The following THBS3 variants were observed in gnomAD, a reference collection of about 807,000 sequenced individuals.
THBS3 encodes the protein thrombospondin-3.
A neutral mutation model predicts 118.3 loss-of-function variants in THBS3; 78 were observed. That is an observed-to-expected ratio of 0.66 (90% CI 0.55 to 0.80). The LOEUF is 0.80. Among genes scored for constraint, THBS3 ranks in the 30% least tolerant of loss-of-function variants. The pLI is 0.00. For missense variants in THBS3, 1,057 were observed against 1,247.4 expected (o/e 0.85, Z 2.30); for synonymous variants, 427 against 475.3 (o/e 0.90, Z 1.32).
upstream of THBS3, chr1:155,207,972 T>C (rs1361181001): frequency 1.8e-5 from 11 of 605,178 alleles, no homozygotes; most frequent in Non-Finnish European, 2.6e-5. Flanking sequence ...AGGGACAGAA[T>C]TGGAGGGGGG....
At chr1:155,200,384 G>C in intron 14 of THBS3, 67 bp downstream of exon 14, 1 of 1,568,754 alleles carries the variant, frequency 6.4e-7, no homozygotes, top group South Asian at 1.2e-5. Context: ...TAGCTTCCCT[G>C]CTTCATCCCC....
At chr1:155,205,720 G>A (rs776946018) in intron 2 of THBS3, among the ~76,000 whole-genome samples, 8 of 152,328 alleles carry the variant, frequency 5.3e-5, no homozygotes, top group Non-Finnish European at 1.2e-4. Context: ...AGAGGTTGCA[G>A]TGAGCTGAGA....
In THBS3 at chr1:155,201,534, G is replaced by C. The variant is rs1669728152; in HGVS notation, c.1212C>G (p.Phe404Leu). The C allele has an allele frequency of 6.2e-7, 1 of 1,614,014 alleles. No homozygotes were observed. The highest frequency in any genetic ancestry group is 8.5e-7 in the Non-Finnish European group (1 of 1,180,026). The stretch of plus-strand genomic sequence containing the variant: ...GGCAGCCCTGGCTCTGGTTGCCCAG[G>C]AAACCCAGGCGGCAGGGACCACACT... ...SFKCGPCRLG[F>L]LGNQSQGCLP... Residue 404 changes from phenylalanine (F) to leucine (L), a missense_variant, in exon 11 of 23, where the codon TTC becomes TTG. Around this residue, in one of 3 missense-constraint regions of THBS3, gnomAD observed 544 missense variants for 715.6 expected, o/e 0.76. Coordinates refer to ENST00000368378, the MANE Select transcript of THBS3 (RefSeq NM_007112.5).
At chr1:155,203,435 G>A (rs1184145731) in intron 5 of THBS3, 78 bp downstream of exon 5, 1 of 1,597,776 alleles carries the variant, frequency 6.3e-7, no homozygotes, top group Middle Eastern at 1.9e-4. Flanking sequence ...TGACTGAAGA[G>A]GACTTAGTTT....
rs1359499567 is a variant in THBS3, at chr1:155,197,232, G to C, written c.2500-19C>G. On this transcript the variant is annotated intron_variant, in intron 20 of 22. Coordinates refer to ENST00000368378, the MANE Select transcript of THBS3 (RefSeq NM_007112.5). This position sits in a 1 kb window ranked among gnomAD's most constrained non-coding sequence, Gnocchi z 5.0. ...TCACTGCCTAGGAGACATTGGCAAA[G>C]ACAGTGGGTCAACTGCAGAACTGGA... 1 of 1,608,706 alleles carries C rather than the reference G, an allele frequency of 6.2e-7. No individual in the cohort carries two copies. Among genetic ancestry groups the C allele is most frequent in the South Asian group, 1.1e-5 (1 of 90,994 alleles).
At position 155,202,019 on chromosome 1, in the gene THBS3, C is replaced by T. The variant is rs143046611; in HGVS notation, c.1114G>A (p.Asp372Asn). The change falls in exon 10 of 23, where the codon GAT becomes AAT. Residue 372 changes from aspartate to asparagine, a missense_variant. This residue lies in a region of THBS3 where 544 missense variants were observed against 715.6 expected (regional missense o/e 0.76). Transcript: ENST00000368378. The surrounding 1 kb of genome is among the most constrained non-coding windows in gnomAD (Gnocchi z 5.5). ...RASKQVCNDI[D>N]ECNDGNNGGC... The stretch of plus-strand genomic sequence containing the variant: ...CCATTGTTGCCATCGTTGCATTCAT[C>T]GATGTCATTGCAGACCTGAAGGGGC... The T allele has an allele frequency of 1.0e-4, 163 of 1,614,148 alleles. No homozygotes were observed. The highest frequency in any genetic ancestry group is 8.5e-4 in the Admixed American group (51 of 60,028).
chr1:155,207,706 C>T, intron 1 of THBS3, 92 bp downstream of exon 1: 1 of 1,359,614 alleles, frequency 7.4e-7, no homozygotes, highest in Non-Finnish European at 1.0e-6. Flanking sequence ...GACTCTTCCC[C>T]TCTCCCCTTG....
chr1:155,197,417 G>A lies in THBS3; in HGVS notation c.2499+46C>T, dbSNP rs1378338613. ...GGAGGCCCTGGGGCTGCAGAGGAGA[G>A]CTTTGGGAAAGGGCCCTGGGTTGCG... On this transcript the variant is annotated intron_variant, in intron 20 of 22. Coordinates refer to ENST00000368378, the MANE Select transcript of THBS3 (RefSeq NM_007112.5). The surrounding 1 kb of genome is among the most constrained non-coding windows in gnomAD (Gnocchi z 5.0). 2 of 1,595,990 alleles carry A rather than the reference G, an allele frequency of 1.3e-6. No homozygotes were observed. Among genetic ancestry groups the A allele is most frequent in the Admixed American group, 1.7e-5 (1 of 59,724 alleles).
chr1:155,198,016 C>T (rs1668981594), intron 18 of THBS3, 26 bp downstream of exon 18: 5 of 1,614,044 alleles, frequency 3.1e-6, no homozygotes, highest in Non-Finnish European at 4.2e-6. Flanking sequence ...CTGATAGCAC[C>T]TGCCCAGCCC....
chr1:155,208,701 G>T (rs1670888670), upstream of THBS3: 15 of 888,528 alleles, frequency 1.7e-5, no homozygotes, highest in Non-Finnish European at 2.2e-5. Flanking sequence ...CCCCACCCAA[G>T]CCCCAGCCCG....
At chr1:155,201,301 T>A (rs1669678747) in intron 11 of THBS3, 97 bp from the exon 12 acceptor site, 2 of 1,583,472 alleles carry the variant, frequency 1.3e-6, no homozygotes, top group African/African-American at 2.7e-5. Context: ...CACCAAACAG[T>A]TCCTGGGCCC....
chr1:155,207,723 T>C (rs1421661024), intron 1 of THBS3, 75 bp downstream of exon 1: 16 of 1,486,888 alleles, frequency 1.1e-5, no homozygotes, highest in South Asian at 2.3e-5. Context: ...CTTGCCCACA[T>C]GTTCTCTGCT....
rs1472592833 is a variant in THBS3, at chr1:155,197,155, C to T, written c.2558G>A (p.Gly853Asp). Residue 853 changes from glycine to aspartate, a missense_variant, in exon 21 of 23, where the codon GGC (glycine) becomes GAC (aspartate). Gly to Asp is a moderately conservative substitution (Grantham distance 94). Transcript: ENST00000368378. This position sits in a 1 kb window ranked among gnomAD's most constrained non-coding sequence, Gnocchi z 5.0. Reference sequence around the variant, plus strand: ...CAGTCGTACCTGATCAGGGGTGTGGCCAGTATGCCACAGGGCATTTCGGAG... The same window carrying T: ...CAGTCGTACCTGATCAGGGGTGTGGTCAGTATGCCACAGGGCATTTCGGAG... ...EHLRNALWHTGHTPDQVRLLW... is the reference protein window; with the variant it reads ...EHLRNALWHTDHTPDQVRLLW... 6.2e-7 allele frequency: 1 copy of T among 1,614,162 alleles called. No individual in the cohort carries two copies. Among genetic ancestry groups the T allele is most frequent in the South Asian group, 1.1e-5 (1 of 91,082 alleles).
At position 155,195,839 on chromosome 1, in the gene THBS3, C is replaced by A; in HGVS notation, c.*2G>T. 6.2e-7 allele frequency: 1 copy of A among 1,613,900 alleles called. No individual in the cohort carries two copies. Among genetic ancestry groups the A allele is most frequent in the Non-Finnish European group, 8.5e-7 (1 of 1,179,986 alleles). On this transcript the variant is annotated 3_prime_UTR_variant, in exon 23 of 23. Coordinates refer to ENST00000368378, the MANE Select transcript of THBS3 (RefSeq NM_007112.5). ...TGAATTCTGAATCTGGTGGCCTCCTCCTCACACCCTTCCCTGGAGCAGCTG... is the reference window on the plus strand; with the variant it reads ...TGAATTCTGAATCTGGTGGCCTCCTACTCACACCCTTCCCTGGAGCAGCTG...
Position 155,197,275 on chromosome 1 carries a change from G to C in THBS3, c.2500-62C>G. On this transcript the variant is annotated intron_variant, in intron 20 of 22. Transcript: ENST00000368378. The surrounding 1 kb of genome is among the most constrained non-coding windows in gnomAD (Gnocchi z 5.0). The stretch of plus-strand genomic sequence containing the variant: ...GAACTGGAGTGAGGGGAGACAACAG[G>C]TCGGTAAGTGCAGGTGGGAAAGGGA... 6.3e-7 allele frequency: 1 copy of C among 1,588,250 alleles called. No homozygotes were observed. The highest frequency in any genetic ancestry group is 8.6e-7 in the Non-Finnish European group (1 of 1,160,094).
Position 155,197,716 on chromosome 1 carries a change from G to T in THBS3, c.2303-57C>A. The T allele has an allele frequency of 1.2e-6, 2 of 1,602,468 alleles. No homozygotes were observed. The highest frequency in any genetic ancestry group is 1.7e-6 in the Non-Finnish European group (2 of 1,171,054). ...AGCAAAGCTACTGGCGGCCCATCAT[G>T]GGGTAAAGTTGGGAAGGGATGCCTG... On this transcript the variant is annotated intron_variant, in intron 19 of 22. Coordinates refer to ENST00000368378, the MANE Select transcript of THBS3 (RefSeq NM_007112.5). This position sits in a 1 kb window ranked among gnomAD's most constrained non-coding sequence, Gnocchi z 5.0.
Position 155,202,007 on chromosome 1 carries a change from C to A in THBS3, c.1126G>T (p.Asp376Tyr). 6.2e-7 allele frequency: 1 copy of A among 1,614,140 alleles called. No individual in the cohort carries two copies. Among genetic ancestry groups the A allele is most frequent in the Non-Finnish European group, 8.5e-7 (1 of 1,180,036 alleles). The change falls in exon 10 of 23, where the codon GAT (aspartate) becomes TAT (tyrosine). Residue 376 changes from aspartate (D) to tyrosine (Y), a missense_variant. Physicochemically the swap from Asp to Tyr is radical, Grantham distance 160. Around this residue, in one of 3 missense-constraint regions of THBS3, gnomAD observed 544 missense variants for 715.6 expected, o/e 0.76. Coordinates refer to ENST00000368378, the MANE Select transcript of THBS3 (RefSeq NM_007112.5). This position sits in a 1 kb window ranked among gnomAD's most constrained non-coding sequence, Gnocchi z 5.5. Reference protein sequence around the residue: ...QVCNDIDECNDGNNGGCDPNS... With the variant: ...QVCNDIDECNYGNNGGCDPNS... ...GGGTCACAGCCACCATTGTTGCCAT[C>A]GTTGCATTCATCGATGTCATTGCAG...
Position 155,197,395 on chromosome 1 carries a change from G to A in THBS3, c.2499+68C>T. On this transcript the variant is annotated intron_variant, in intron 20 of 22. Coordinates refer to ENST00000368378, the MANE Select transcript of THBS3 (RefSeq NM_007112.5). The surrounding 1 kb of genome is among the most constrained non-coding windows in gnomAD (Gnocchi z 5.0). Reference sequence around the variant, plus strand: ...GGGTTCCCAGTCAAGCAGTGGGGGAGGCCCTGGGGCTGCAGAGGAGAGCTT... The same window carrying A: ...GGGTTCCCAGTCAAGCAGTGGGGGAAGCCCTGGGGCTGCAGAGGAGAGCTT... 1 of 1,567,000 alleles carries A rather than the reference G, an allele frequency of 6.4e-7. No homozygotes were observed. Among genetic ancestry groups the A allele is most frequent in the Non-Finnish European group, 8.7e-7 (1 of 1,151,522 alleles).
rs1481949302 is a variant in THBS3 at position 155,198,609 on chromosome 1, A to G, written c.1881-7T>C. 1 of 1,612,728 alleles carries G rather than the reference A, an allele frequency of 6.2e-7. No homozygotes were observed. Among genetic ancestry groups the G allele is most frequent in the African/African-American group, 1.3e-5 (1 of 74,910 alleles). On this transcript the variant is annotated splice_region_variant and splice_polypyrimidine_tract_variant and intron_variant, in intron 16 of 22. Transcript: ENST00000368378. ...CTGATGCCCATCCCCATCGCTAATCAGAAGAACAGGTACCAAATAAAGGAT... is the reference window on the plus strand; with the variant it reads ...CTGATGCCCATCCCCATCGCTAATCGGAAGAACAGGTACCAAATAAAGGAT...
Sources: allele counts gnomAD v4.1 joint callset (sites outside exome capture counted in the v4.1 genomes callset), GRCh38; gene constraint gnomAD v4.1.1; regional missense constraint gnomAD v4.1.1; non-coding constraint Gnocchi (gnomAD v3.1); transcripts MANE v1.5; gene names NCBI Gene and HGNC (gene_info 2026-07-23, HGNC 2026-07-21).